The following ANKRD28 variants were observed in gnomAD, a reference collection of about 807,000 sequenced individuals.
The protein encoded by ANKRD28 is serine/threonine-protein phosphatase 6 regulatory ankyrin repeat subunit A.
A neutral mutation model predicts 126.5 loss-of-function variants in ANKRD28; 44 were observed. That is an observed-to-expected ratio of 0.35 (90% CI 0.27 to 0.45). The LOEUF is 0.45. Among genes scored for constraint, ANKRD28 ranks in the 20% least tolerant of loss-of-function variants. ANKRD28 has a pLI of 1.00. For missense variants in ANKRD28, 1,110 were observed against 1,316.6 expected (o/e 0.84, Z 2.43); for synonymous variants, 442 against 468.5 (o/e 0.94, Z 0.73).
chr3:15,796,268 GCAT>G (rs1368166943), intron 1 of ANKRD28, 134 bp downstream of exon 1: 7 of 341,580 alleles, frequency 2.0e-5, no homozygotes, highest in East Asian at 1.1e-4. Context: ...CAAAAATACT[GCAT>G]CATATCTACA....
rs1330318374 is a variant in ANKRD28, at chr3:15,854,964, G to C, written c.27+4413C>G. 6.6e-6 allele frequency among the ~76,000 whole-genome samples: 1 copy of C among 152,172 alleles called. No homozygotes were observed. The highest frequency in any genetic ancestry group is 1.9e-4 in the East Asian group (1 of 5,200). On this transcript the variant is annotated intron_variant, in intron 1 of 27. Transcript: ENST00000399451. The surrounding 1 kb of genome is among the most constrained non-coding windows in gnomAD (Gnocchi z 4.1). ...CTAGGGAGGCTGAGGCAGGAGAATT[G>C]CTTGAACTAGGGAGGCAGAGGTTGC...
rs192856159 is a variant in ANKRD28 at position 15,796,643 on chromosome 3, G to T, written c.-122C>A. The T allele has an allele frequency of 1.9e-5, 17 of 912,962 alleles. No homozygotes were observed. In the Admixed American group the frequency reaches 2.5e-4, roughly 13 times the overall value. 56.6% of individuals were successfully genotyped at this position (912,962 alleles called of 1,614,324 possible). ...AACATTCTCTGAACAGCACAGCTGGGTTTTTTTTTTTTTTAAAGTTAATAA... is the reference window on the plus strand; with the variant it reads ...AACATTCTCTGAACAGCACAGCTGGTTTTTTTTTTTTTTTAAAGTTAATAA... On this transcript the variant is annotated 5_prime_UTR_variant, in exon 1 of 28. Coordinates refer to ENST00000683139, the MANE Select transcript of ANKRD28 (RefSeq NM_001349278.2).
chr3:15,714,639 G>A lies in ANKRD28; in HGVS notation c.1014C>T (p.Thr338=). 1.3e-6 allele frequency: 2 copies of A among 1,594,574 alleles called. No homozygotes were observed. The highest frequency in any genetic ancestry group is 1.7e-6 in the Non-Finnish European group (2 of 1,172,678). Reference sequence around the variant, plus strand: ...CGTGGAGAGCAGTCATGTGTAGTGGGGTTTTCCCATCTTTACTCTGGGGGG... The same window carrying A: ...CGTGGAGAGCAGTCATGTGTAGTGGAGTTTTCCCATCTTTACTCTGGGGGG... ...DVNMKSKDGK[T]PLHMTALHGR... Residue 338 remains threonine, a synonymous_variant, in exon 9 of 28, where the codon ACC becomes ACT. Transcript: ENST00000683139.
At chr3:15,726,812 C>T (rs111279731) in intron 6 of ANKRD28, among the ~76,000 whole-genome samples, 2,932 of 152,312 alleles carry the variant, frequency 0.019, 97 homozygotes, top group African/African-American at 0.066. Flanking sequence ...AAAGGACAGG[C>T]TGACTCTCTT....
chr3:15,763,611 C>T (rs1433612874), intron 3 of ANKRD28, among the ~76,000 whole-genome samples: 2 of 152,048 alleles, frequency 1.3e-5, no homozygotes, highest in South Asian at 2.1e-4. Context: ...GTTGATGATG[C>T]GACATCTGAG....
At chr3:15,842,743 A>T (rs926815417) in intron 1 of ANKRD28, among the ~76,000 whole-genome samples, 7 of 152,246 alleles carry the variant, frequency 4.6e-5, no homozygotes, top group Non-Finnish European at 7.4e-5. Context: ...AAAAACAAAA[A>T]TTTTTTAAAA....
chr3:15,699,712 C>A (rs1170666162), intron 14 of ANKRD28, among the ~76,000 whole-genome samples: 2 of 152,006 alleles, frequency 1.3e-5, no homozygotes, highest in East Asian at 1.9e-4. Context: ...TTAGAATGGC[C>A]ATCATTAAAA....
intron 14 of ANKRD28, among the ~76,000 whole-genome samples, chr3:15,696,815 T>C (rs1317585918): frequency 6.6e-6 from 1 of 152,112 alleles, no homozygotes; most frequent in Admixed American, 6.6e-5. Flanking sequence ...TCTGTGATAA[T>C]AAAATATGAG....
chr3:15,784,849 C>G lies in ANKRD28; in HGVS notation c.201+10374G>C, dbSNP rs115372567. On this transcript the variant is annotated intron_variant, in intron 2 of 27. Transcript: ENST00000683139. The stretch of plus-strand genomic sequence containing the variant: ...GAGAATACAGCAGAGTAGGAAGCAC[C>G]AGGAATCTGTCTCCCCAACTAGAAA... 5.9e-3 allele frequency among the ~76,000 whole-genome samples: 904 copies of G among 152,062 alleles called. 7 individuals carry two copies. Among genetic ancestry groups the G allele is most frequent in the African/African-American group, 0.021 (860 of 41,510 alleles).
At chr3:15,768,595 T>A (rs2058854177) in intron 2 of ANKRD28, among the ~76,000 whole-genome samples, 1 of 151,660 alleles carries the variant, frequency 6.6e-6, no homozygotes, top group African/African-American at 2.4e-5. Flanking sequence ...GAGGCTGCTG[T>A]GAGCTATGAC....
chr3:15,777,179 C>G (rs1255367713), intron 2 of ANKRD28, among the ~76,000 whole-genome samples: 1 of 149,070 alleles, frequency 6.7e-6, no homozygotes. Flanking sequence ...GAGATTGAGG[C>G]AGGAGAATGG....
At chr3:15,763,785 G>A (rs2058610900) in intron 3 of ANKRD28, among the ~76,000 whole-genome samples, 1 of 152,094 alleles carries the variant, frequency 6.6e-6, no homozygotes, top group Admixed American at 6.5e-5. Context: ...GGGGTGGGGA[G>A]ATAATGTACA....
At chr3:15,749,199 T>C (rs1056356419) in intron 4 of ANKRD28, among the ~76,000 whole-genome samples, 6 of 144,968 alleles carry the variant, frequency 4.1e-5, no homozygotes, top group African/African-American at 1.5e-4. Flanking sequence ...CAAGCTCCGC[T>C]TCCCGGGTTC....
At chr3:15,803,629 A>G (rs571215022) in intron 1 of ANKRD28, among the ~76,000 whole-genome samples, 57 of 151,770 alleles carry the variant, frequency 3.8e-4, no homozygotes, top group African/African-American at 1.4e-3. Flanking sequence ...AAAAAAAAAA[A>G]AAGAAATATA....
rs2061170680 is a variant in ANKRD28, at chr3:15,830,709, A to C, written c.27+28668T>G. Among the ~76,000 whole-genome samples the C allele has an allele frequency of 1.3e-5, 2 of 151,990 alleles. No homozygotes were observed. The highest frequency in any genetic ancestry group is 1.3e-4 in the Admixed American group (2 of 15,266). On this transcript the variant is annotated intron_variant, in intron 1 of 27. Coordinates refer to the ANKRD28 transcript ENST00000399451. This position sits in a 1 kb window ranked among gnomAD's most constrained non-coding sequence, Gnocchi z 4.5. ...GTTTGGCCCTTGCTCAGCTCCTAGG[A>C]GGTAACTGCTAACCCCTTGGAATGT...
At chr3:15,777,236 TGTAC>T (rs1174597786) in intron 2 of ANKRD28, among the ~76,000 whole-genome samples, 1 of 140,814 alleles carries the variant, frequency 7.1e-6, no homozygotes, top group Non-Finnish European at 1.5e-5. Context: ...ATTGCGCCAC[TGTAC>T]CAGCCTAGGT....
intron 1 of ANKRD28, among the ~76,000 whole-genome samples, chr3:15,832,208 A>G (rs2061219020): frequency 6.6e-6 from 1 of 152,276 alleles, no homozygotes; most frequent in Non-Finnish European, 1.5e-5. Context: ...AATAGAATAA[A>G]GGAAGAAATT....
At position 15,797,773 on chromosome 3, in the gene ANKRD28, G is replaced by A; in HGVS notation, c.-1252C>T. ...AAAACCGCCACAGTTATCCTTTTCA[G>A]ATTTCAAATGCTTTCCTGTTCCTCA... On this transcript the variant is annotated 5_prime_UTR_variant, in exon 1 of 28. Transcript: ENST00000683139. The A allele has an allele frequency of 1.0e-6, 1 of 985,380 alleles. No individual in the cohort carries two copies. The highest frequency in any genetic ancestry group is 1.7e-5 in the African/African-American group (1 of 57,320). The allele number at this position is 985,380 out of a possible 1,614,324, so 61.0% of individuals were successfully genotyped here. A position where few individuals can be genotyped will look rare whatever the true frequency, so the allele number is the denominator to read the frequency against.
At chr3:15,737,770 T>C (rs2075129701) in intron 4 of ANKRD28, among the ~76,000 whole-genome samples, 2 of 152,102 alleles carry the variant, frequency 1.3e-5, no homozygotes. Flanking sequence ...GAGCCACACC[T>C]GGCTCTTTGA....
Sources: allele counts gnomAD v4.1 joint callset (sites outside exome capture counted in the v4.1 genomes callset), GRCh38; gene constraint gnomAD v4.1.1; non-coding constraint Gnocchi (gnomAD v3.1); transcripts MANE v1.5; gene names NCBI Gene and HGNC (gene_info 2026-07-23, HGNC 2026-07-21).